FBXL17: variants seen among roughly 807,000 people sequenced by gnomAD.
FBXL17 encodes F-box and leucine rich repeat protein 17, also known as F-box/LRR-repeat protein 17.
Under a neutral mutation model 66.2 loss-of-function variants are expected in FBXL17, and 22 were observed. That is an observed-to-expected ratio of 0.33 (90% CI 0.24 to 0.47). The LOEUF (loss-of-function observed/expected upper bound fraction) is 0.47, where lower values mean the gene tolerates loss of function less well. FBXL17 is among the 20% of genes least tolerant of loss of function. The probability of loss-of-function intolerance (pLI) is 1.00; values close to 1 mark genes in which losing one functional copy is unlikely to be tolerated. For synonymous variants in FBXL17, 474 were observed against 400.5 expected (o/e 1.18, Z -2.19); for missense variants, 878 against 948.2 (o/e 0.93, Z 0.97).
At chr5:108,148,495 T>G (rs961700339) in intron 6 of FBXL17, among the ~76,000 whole-genome samples, 1 of 152,220 alleles carries the variant, frequency 6.6e-6, no homozygotes, top group African/African-American at 2.4e-5. Flanking sequence ...TGAATCACTG[T>G]CTGTCCAAAT....
intron 4 of FBXL17, among the ~76,000 whole-genome samples, chr5:108,285,482 C>G (rs1312697301): frequency 1.3e-5 from 2 of 151,726 alleles, no homozygotes; most frequent in East Asian, 3.8e-4. Context: ...CTCCTTAATC[C>G]ACAGGCTACA....
chr5:108,190,690 C>G (rs1580586311), intron 5 of FBXL17, among the ~76,000 whole-genome samples: 2 of 152,286 alleles, frequency 1.3e-5, no homozygotes, highest in East Asian at 3.9e-4. Context: ...TTTGATTGAG[C>G]AAAGATGAAT....
chr5:108,376,793 T>G (rs1469828959), intron 1 of FBXL17, among the ~76,000 whole-genome samples: 2 of 150,308 alleles, frequency 1.3e-5, no homozygotes, highest in Non-Finnish European at 3.0e-5. Context: ...ATTCTTTTTT[T>G]TTTTTTTTTT....
chr5:108,069,867 T>G (rs1356895025), intron 6 of FBXL17, among the ~76,000 whole-genome samples: 3 of 152,218 alleles, frequency 2.0e-5, no homozygotes, highest in African/African-American at 7.2e-5. Context: ...TTTCACTTTA[T>G]ATTCCAGACT....
chr5:107,914,146 C>A (rs904066300), intron 7 of FBXL17, among the ~76,000 whole-genome samples: 1 of 151,958 alleles, frequency 6.6e-6, no homozygotes, highest in African/African-American at 2.4e-5. Flanking sequence ...TTCTCTAAAC[C>A]CTACAAGTAG....
At chr5:108,206,185 T>C (rs1331800391) in intron 5 of FBXL17, among the ~76,000 whole-genome samples, 3 of 152,166 alleles carry the variant, frequency 2.0e-5, no homozygotes, top group African/African-American at 7.2e-5. Context: ...CATTCCTCTT[T>C]TCATTTGTCA....
At chr5:108,172,506 G>C (rs1277095896) in intron 6 of FBXL17, among the ~76,000 whole-genome samples, 1 of 152,148 alleles carries the variant, frequency 6.6e-6, no homozygotes, top group Non-Finnish European at 1.5e-5. Context: ...CTACAAAATA[G>C]AGAAATTTTT....
chr5:108,167,981 T>G (rs1199217267), intron 6 of FBXL17, among the ~76,000 whole-genome samples: 1 of 152,152 alleles, frequency 6.6e-6, no homozygotes, highest in Non-Finnish European at 1.5e-5. Context: ...TTAGAGATCA[T>G]ATCGTTGCTC....
intron 8 of FBXL17, chr5:107,879,522 A>G (rs1226372792): frequency 1.0e-6 from 1 of 985,330 alleles, no homozygotes; most frequent in African/African-American, 1.7e-5. Context: ...AATATATAAT[A>G]ACATTTCTCT....
intron 4 of FBXL17, among the ~76,000 whole-genome samples, chr5:108,342,882 C>G (rs1198714637): frequency 6.6e-6 from 1 of 152,170 alleles, no homozygotes; most frequent in Non-Finnish European, 1.5e-5. Flanking sequence ...TTGCTATGGT[C>G]TAAAGGTTTG....
intron 4 of FBXL17, among the ~76,000 whole-genome samples, chr5:108,245,874 A>T (rs1486568328): frequency 1.3e-5 from 2 of 152,148 alleles, no homozygotes; most frequent in African/African-American, 2.4e-5. Flanking sequence ...GTTTTGGGGT[A>T]TTTTCATGAT....
intron 4 of FBXL17, among the ~76,000 whole-genome samples, chr5:108,293,833 A>G (rs1758222024): frequency 6.6e-6 from 1 of 151,768 alleles, no homozygotes; most frequent in Admixed American, 6.6e-5. Flanking sequence ...TTGAGGTCAC[A>G]AATTCAAGAC....
At chr5:108,217,112 G>A (rs1172636700) in intron 5 of FBXL17, among the ~76,000 whole-genome samples, 1 of 151,904 alleles carries the variant, frequency 6.6e-6, no homozygotes, top group Admixed American at 6.6e-5. Context: ...TCACACATTC[G>A]CCAAGACAGC....
chr5:108,326,189 G>C (rs1292657700), intron 4 of FBXL17, among the ~76,000 whole-genome samples: 1 of 151,966 alleles, frequency 6.6e-6, no homozygotes, highest in Non-Finnish European at 1.5e-5. Flanking sequence ...AAAACGAAAA[G>C]ATACACACGT....
intron 6 of FBXL17, among the ~76,000 whole-genome samples, chr5:108,033,601 C>T (rs528966368): frequency 3.2e-4 from 49 of 152,196 alleles, no homozygotes; most frequent in African/African-American, 1.2e-3. Flanking sequence ...TGAGTAAAAA[C>T]CTAAAAGTGA....
intron 7 of FBXL17, among the ~76,000 whole-genome samples, chr5:107,921,097 T>C (rs1008625600): frequency 1.3e-5 from 2 of 152,320 alleles, no homozygotes; most frequent in Middle Eastern, 6.8e-3. Flanking sequence ...TTGACTATAA[T>C]AAATTGAGTA....
intron 8 of FBXL17, among the ~76,000 whole-genome samples, chr5:107,872,272 G>A (rs1231396960): frequency 2.0e-5 from 3 of 152,188 alleles, no homozygotes; most frequent in Non-Finnish European, 4.4e-5. Flanking sequence ...TCATCTGAAT[G>A]TCCTGATCCC....
chr5:108,248,879 G>A (rs1288908883), intron 4 of FBXL17, among the ~76,000 whole-genome samples: 1 of 152,152 alleles, frequency 6.6e-6, no homozygotes, highest in African/African-American at 2.4e-5. Context: ...ATAGGAATTA[G>A]ATAAGAAAAA....
intron 7 of FBXL17, among the ~76,000 whole-genome samples, chr5:107,920,393 T>C (rs953985484): frequency 4.6e-5 from 7 of 152,126 alleles, no homozygotes; most frequent in Non-Finnish European, 8.8e-5. Context: ...TTAGCAGTGA[T>C]GGAGTTTCAC....
Sources: allele counts gnomAD v4.1 joint callset (sites outside exome capture counted in the v4.1 genomes callset), GRCh38; gene constraint gnomAD v4.1.1; transcripts MANE v1.5; gene names NCBI Gene and HGNC (gene_info 2026-07-23, HGNC 2026-07-21).